NTRK3: variants seen among roughly 807,000 people sequenced by gnomAD.
The protein encoded by NTRK3 is NT-3 growth factor receptor.
A neutral mutation model predicts 91.7 loss-of-function variants in NTRK3; 24 were observed. The observed-to-expected ratio is 0.26, with a 90% CI of 0.19 to 0.37. The LOEUF is 0.37. NTRK3 is among the 10% of genes least tolerant of loss of function. The pLI, the probability that NTRK3 is intolerant of heterozygous loss-of-function variation, is 1.00. For synonymous variants in NTRK3, 483 were observed against 404.0 expected (o/e 1.20, Z -2.34); for missense variants, 880 against 1,068.9 (o/e 0.82, Z 2.46).
In NTRK3 at chr15:88,136,043, G is replaced by A. The variant is rs765753451; in HGVS notation, c.766-3C>T. 4.3e-6 allele frequency: 7 copies of A among 1,614,222 alleles called. No individual in the cohort carries two copies. Among genetic ancestry groups the A allele is most frequent in the Non-Finnish European group, 5.1e-6 (6 of 1,180,046 alleles). On this transcript the variant is annotated splice_polypyrimidine_tract_variant and splice_region_variant and intron_variant, in intron 8 of 18. Coordinates refer to ENST00000394480, the Ensembl canonical transcript of NTRK3. ...ACATTGGTCCAGTTCAGATTGGTCT[G>A]AAAACCCCAATAAAAAGATAACAAT...
chr15:88,159,217 G>A (rs2044207963), intron 5 of NTRK3, among the ~76,000 whole-genome samples: 1 of 152,194 alleles, frequency 6.6e-6, no homozygotes, highest in Non-Finnish European at 1.5e-5. Context: ...GAAAATCTAT[G>A]ACTCTCTTAA....
At chr15:87,865,988 C>A (rs1054687329) in exon 19 of NTRK3, 3 of 231,406 alleles carry the variant, frequency 1.3e-5, no homozygotes, top group Non-Finnish European at 2.6e-5. Context: ...AGCTCAGCAC[C>A]CAGCAAGACT....
exon 3 of NTRK3, chr15:88,256,032 G>C (rs750256958): frequency 6.2e-7 from 1 of 1,613,560 alleles, no homozygotes; most frequent in East Asian, 2.2e-5. Context: ...ATTGATCTCA[G>C]TCTTGCTGCA....
At chr15:88,253,393 T>C (rs1053771129) in intron 3 of NTRK3, 6 of 152,170 alleles carry the variant, frequency 3.9e-5, no homozygotes, top group African/African-American at 1.4e-4. Flanking sequence ...CCTGTTGGGA[T>C]TGTGTGTCTG....
chr15:88,213,805 T>A (rs892925398), intron 3 of NTRK3, among the ~76,000 whole-genome samples: 1 of 152,104 alleles, frequency 6.6e-6, no homozygotes, highest in Non-Finnish European at 1.5e-5. Context: ...GGCGGCCAAG[T>A]GCAGTGGCTC....
At chr15:88,230,248 C>A (rs1318627294) in intron 3 of NTRK3, among the ~76,000 whole-genome samples, 1 of 152,252 alleles carries the variant, frequency 6.6e-6, no homozygotes, top group Non-Finnish European at 1.5e-5. Context: ...CTATTGTTGT[C>A]AGTCATCATC....
intron 14 of NTRK3, among the ~76,000 whole-genome samples, chr15:87,960,496 T>G (rs1247439235): frequency 6.6e-6 from 1 of 151,986 alleles, no homozygotes; most frequent in African/African-American, 2.4e-5. Flanking sequence ...CCATCCTTTT[T>G]TTTTTTGAGG....
At chr15:87,940,944 C>G (rs1411378423) in intron 14 of NTRK3, among the ~76,000 whole-genome samples, 191 bp from the exon 15 acceptor site, 1 of 152,184 alleles carries the variant, frequency 6.6e-6, no homozygotes, top group Middle Eastern at 3.2e-3. Flanking sequence ...GGGCCAGAAT[C>G]AAATCTCAAT....
chr15:88,056,854 AT>A (rs1267678706), intron 13 of NTRK3, among the ~76,000 whole-genome samples: 11 of 152,238 alleles, frequency 7.2e-5, no homozygotes, highest in African/African-American at 2.6e-4. Context: ...CAATAATCTC[AT>A]TCATATGGTA....
At chr15:88,002,160 T>C (rs1006784841) in intron 14 of NTRK3, among the ~76,000 whole-genome samples, 32 of 145,764 alleles carry the variant, frequency 2.2e-4, no homozygotes, top group Admixed American at 2.8e-4. Flanking sequence ...CTCTGAAGGA[T>C]AGTGGTTGTT....
chr15:88,147,547 T>G (rs2043001388), intron 5 of NTRK3, 144 bp from the exon 6 acceptor site: 1 of 586,944 alleles, frequency 1.7e-6, no homozygotes, highest in Admixed American at 2.4e-5. Flanking sequence ...TTCTTCTTCT[T>G]CTTCTTCATG....
chr15:88,256,202 G>A, intron 2 of NTRK3, 34 bp from the exon 3 acceptor site: 1 of 1,051,780 alleles, frequency 9.5e-7, no homozygotes, highest in Non-Finnish European at 1.4e-6. Flanking sequence ...AGAGGGGGGT[G>A]GGGTGGGGGG....
In NTRK3 at chr15:88,241,314, C is replaced by T. The variant is rs2052329203; in HGVS notation, c.248+14592G>A. 6.6e-6 allele frequency among the ~76,000 whole-genome samples: 1 copy of T among 152,128 alleles called. No individual in the cohort carries two copies. On this transcript the variant is annotated intron_variant, in intron 3 of 18. Coordinates refer to ENST00000394480, the Ensembl canonical transcript of NTRK3. The surrounding 1 kb of genome is among the most constrained non-coding windows in gnomAD (Gnocchi z 4.3). ...GCCCAGACAGCAGGCAACAGCAGTC[C>T]TGAGTGAGTGACAGAAGGAGGGCAG...
chr15:88,208,832 G>A (rs2049004509), intron 3 of NTRK3, among the ~76,000 whole-genome samples: 1 of 152,162 alleles, frequency 6.6e-6, no homozygotes, highest in African/African-American at 2.4e-5. Context: ...CTCAGAGATT[G>A]CAATTTCATT....
intron 10 of NTRK3, among the ~76,000 whole-genome samples, chr15:88,133,389 C>A (rs1176264578): frequency 6.6e-6 from 1 of 152,184 alleles, no homozygotes; most frequent in Non-Finnish European, 1.5e-5. Flanking sequence ...TCTCAGGATA[C>A]CCCTGGCAGA....
At chr15:88,144,106 C>G (rs2042649100) in intron 6 of NTRK3, 1 of 152,176 alleles carries the variant, frequency 6.6e-6, no homozygotes, top group Non-Finnish European at 1.5e-5. Flanking sequence ...CTAAGACAAT[C>G]TCTCTGATTC....
chr15:87,906,091 AG>A (rs1461695414), intron 17 of NTRK3, among the ~76,000 whole-genome samples: 6 of 152,230 alleles, frequency 3.9e-5, no homozygotes, highest in African/African-American at 9.6e-5. Context: ...ATCTGTGGAA[AG>A]ATGCTGAGGC....
chr15:88,227,797 G>A (rs531463070), intron 3 of NTRK3, among the ~76,000 whole-genome samples: 16 of 151,862 alleles, frequency 1.1e-4, no homozygotes, highest in Non-Finnish European at 7.4e-5. Context: ...CACTGAGGTC[G>A]CTGACCACTA....
chr15:88,148,993 G>A (rs1229535112), intron 5 of NTRK3, among the ~76,000 whole-genome samples: 1 of 152,182 alleles, frequency 6.6e-6, no homozygotes. Flanking sequence ...GGAGGCGATG[G>A]GATAGAGACC....
Sources: gnomAD v4.1 joint callset for allele counts (sites outside exome capture counted in the v4.1 genomes callset) on GRCh38, gnomAD v4.1.1 for gene constraint, Gnocchi (gnomAD v3.1) non-coding constraint, MANE v1.5 for transcripts, NCBI Gene and HGNC (gene_info 2026-07-23, HGNC 2026-07-21) for gene names.